Variants in NKAIN2 observed in about 807,000 individuals in gnomAD.
NKAIN2 encodes sodium/potassium transporting ATPase interacting 2.
NKAIN2 carries 14 observed loss-of-function variants against 32.6 expected under a neutral mutation model. That is an observed-to-expected ratio of 0.43 (90% CI 0.28 to 0.67). The LOEUF is 0.67. Among genes scored for constraint, NKAIN2 ranks in the 30% least tolerant of loss-of-function variants. The pLI, the probability that NKAIN2 is intolerant of heterozygous loss-of-function variation, is 0.17. For missense variants in NKAIN2, 198 were observed against 258.3 expected, an observed-to-expected ratio of 0.77 and a Z score of 1.60; for synonymous variants, 80 against 87.2, an observed-to-expected ratio of 0.92 and a Z score of 0.46.
chr6:123,989,528 T>C (rs898254351), intron 1 of NKAIN2, among the ~76,000 whole-genome samples: 1 of 152,180 alleles, frequency 6.6e-6, no homozygotes, highest in Non-Finnish European at 1.5e-5. Flanking sequence ...TAGTCATCCA[T>C]AGCATGTATA....
intron 3 of NKAIN2, among the ~76,000 whole-genome samples, chr6:124,548,343 A>G (rs1162032051): frequency 1.3e-5 from 2 of 152,248 alleles, no homozygotes; most frequent in African/African-American, 4.8e-5. Context: ...AGGAAGAAAT[A>G]ACATAATTTA....
intron 4 of NKAIN2, among the ~76,000 whole-genome samples, chr6:124,768,607 G>A (rs1465297384): frequency 6.6e-6 from 1 of 151,940 alleles, no homozygotes; most frequent in Non-Finnish European, 1.5e-5. Context: ...ACACTTTTGA[G>A]GTAGCTACAA....
At chr6:124,242,235 A>T (rs1396636240) in intron 1 of NKAIN2, among the ~76,000 whole-genome samples, 6 of 152,246 alleles carry the variant, frequency 3.9e-5, no homozygotes, top group African/African-American at 9.6e-5. Flanking sequence ...TGGCCAAAGC[A>T]TATGAACAGA....
intron 1 of NKAIN2, among the ~76,000 whole-genome samples, chr6:123,887,420 A>G (rs1773776417): frequency 6.6e-6 from 1 of 152,156 alleles, no homozygotes; most frequent in Non-Finnish European, 1.5e-5. Context: ...ATCTTTACAT[A>G]TTGCAGCCAT....
At chr6:124,802,353 C>T (rs763840925) in intron 5 of NKAIN2, among the ~76,000 whole-genome samples, 18 of 152,140 alleles carry the variant, frequency 1.2e-4, no homozygotes, top group African/African-American at 4.1e-4. Context: ...GTAATAACTG[C>T]TCCTTCCAAT....
chr6:124,565,127 G>A (rs1780860073), intron 3 of NKAIN2, among the ~76,000 whole-genome samples: 1 of 152,088 alleles, frequency 6.6e-6, no homozygotes, highest in Non-Finnish European at 1.5e-5. Flanking sequence ...TGAACTCAGG[G>A]AGAGTCTCAC....
chr6:124,452,195 G>GAA (rs11300457), intron 3 of NKAIN2, among the ~76,000 whole-genome samples: 4 of 133,362 alleles, frequency 3.0e-5, no homozygotes, highest in African/African-American at 5.8e-5. Flanking sequence ...ACATCATCTC[G>GAA]AAAAAAAAAA....
chr6:123,876,274 A>G (rs1490794745), intron 1 of NKAIN2, among the ~76,000 whole-genome samples: 2 of 152,202 alleles, frequency 1.3e-5, no homozygotes, highest in South Asian at 2.1e-4. Context: ...TGTTTTATAC[A>G]TAGATGTATC....
In NKAIN2 at chr6:124,234,314, A is replaced by G. The variant is rs143379790; in HGVS notation, c.55-48691A>G. ...CATTTCCAGGAAAATAATCTAATTC[A>G]ACATAAACTTTATGAATAATCCATT... On this transcript the variant is annotated intron_variant, in intron 1 of 6. Coordinates refer to ENST00000368417, the MANE Select transcript of NKAIN2 (RefSeq NM_001040214.3). Among the ~76,000 whole-genome samples, 258 of 152,286 alleles carry G rather than the reference A, an allele frequency of 1.7e-3. 2 individuals are homozygous for G. The Middle Eastern group carries it at 0.027, about 16-fold the overall frequency.
chr6:124,138,300 T>G (rs1176388284), intron 1 of NKAIN2, among the ~76,000 whole-genome samples: 3 of 152,058 alleles, frequency 2.0e-5, no homozygotes, highest in Admixed American at 6.6e-5. Flanking sequence ...CCTTACTCCT[T>G]CAAGAAAGGC....
In NKAIN2 at chr6:124,201,884, A is replaced by G. The variant is rs79034354; in HGVS notation, c.55-81121A>G. Among the ~76,000 whole-genome samples the G allele has an allele frequency of 2.1e-3, 316 of 152,104 alleles. 5 individuals carry two copies. In the East Asian group the frequency reaches 0.032, roughly 16 times the overall value. On this transcript the variant is annotated intron_variant, in intron 1 of 6. Coordinates refer to ENST00000368417, the MANE Select transcript of NKAIN2 (RefSeq NM_001040214.3). ...AAGTGAGAGAATAACTTCAAATAGG[A>G]TAAGATTTATTTTCTATATACCTAT... is the stretch of plus-strand genomic sequence containing the variant.
chr6:123,850,292 A>G (rs374217270), intron 1 of NKAIN2, among the ~76,000 whole-genome samples: 10 of 150,056 alleles, frequency 6.7e-5, no homozygotes, highest in East Asian at 3.9e-4. Context: ...AGTAGAAGGG[A>G]CTGGATCACA....
chr6:124,448,063 A>C (rs1775966355), intron 3 of NKAIN2, among the ~76,000 whole-genome samples: 2 of 152,024 alleles, frequency 1.3e-5, no homozygotes, highest in South Asian at 4.1e-4. Flanking sequence ...ACTTAACATA[A>C]CATGTGGTCT....
intron 1 of NKAIN2, among the ~76,000 whole-genome samples, chr6:123,911,838 C>T (rs1775224223): frequency 2.4e-5 from 2 of 81,664 alleles, no homozygotes; most frequent in African/African-American, 4.1e-5. Flanking sequence ...CACACACACA[C>T]ACACACACAC....
chr6:124,687,747 C>T (rs866897326), intron 4 of NKAIN2, among the ~76,000 whole-genome samples: 81 of 130,904 alleles, frequency 6.2e-4, no homozygotes, highest in South Asian at 4.9e-3. Flanking sequence ...GATATATACA[C>T]ACACACACAC....
At chr6:124,235,880 A>G (rs1792729741) in intron 1 of NKAIN2, among the ~76,000 whole-genome samples, 1 of 152,046 alleles carries the variant, frequency 6.6e-6, no homozygotes, top group Non-Finnish European at 1.5e-5. Context: ...TCCATGAGTG[A>G]GCCACTGCAC....
intron 3 of NKAIN2, among the ~76,000 whole-genome samples, chr6:124,390,447 T>C (rs1773093116): frequency 6.6e-6 from 1 of 152,148 alleles, no homozygotes; most frequent in South Asian, 2.1e-4. Context: ...CTGGCTTTTA[T>C]TGCTTAATAT....
chr6:124,534,054 C>G (rs1188663643), intron 3 of NKAIN2, among the ~76,000 whole-genome samples: 1 of 152,106 alleles, frequency 6.6e-6, no homozygotes, highest in Non-Finnish European at 1.5e-5. Flanking sequence ...GGAAGGGACA[C>G]AAATATTTAA....
At chr6:124,781,849 G>A (rs1779281585) in intron 4 of NKAIN2, among the ~76,000 whole-genome samples, 2 of 152,086 alleles carry the variant, frequency 1.3e-5, no homozygotes, top group South Asian at 4.2e-4. Context: ...CCTTTTAAGT[G>A]ACACTTCGAT....
Sources: gnomAD v4.1 joint callset for allele counts (sites outside exome capture counted in the v4.1 genomes callset) on GRCh38, gnomAD v4.1.1 for gene constraint, MANE v1.5 for transcripts, NCBI Gene and HGNC (gene_info 2026-07-23, HGNC 2026-07-21) for gene names.